MPPE1: variants seen among roughly 807,000 people sequenced by gnomAD.
MPPE1 encodes metallophosphoesterase 1.
Under a neutral mutation model 43.8 loss-of-function variants are expected in MPPE1, and 28 were observed. The observed-to-expected ratio is 0.64, with a 90% CI of 0.47 to 0.88. MPPE1 has a LOEUF of 0.88. MPPE1 is among the 40% of genes least tolerant of loss of function. The pLI, the probability that MPPE1 is intolerant of heterozygous loss-of-function variation, is 0.00. For synonymous variants in MPPE1, 159 were observed against 188.5 expected, an observed-to-expected ratio of 0.84 and a Z score of 1.28; for missense variants, 428 against 492.2, an observed-to-expected ratio of 0.87 and a Z score of 1.23.
At position 11,886,665 on chromosome 18, in the gene MPPE1, C is replaced by T; in HGVS notation, c.745-44G>A. ...GGAGTTCAGGCGGCTATCGTGAAAC[C>T]ACAGGCTGCCTGCTGTCTGCCATGA... On this transcript the variant is annotated intron_variant, in intron 8 of 10. Transcript: ENST00000588072. The surrounding 1 kb of genome is among the most constrained non-coding windows in gnomAD (Gnocchi z 4.1). The T allele has an allele frequency of 6.2e-7, 1 of 1,614,006 alleles. No homozygotes were observed. The highest frequency in any genetic ancestry group is 8.5e-7 in the Non-Finnish European group (1 of 1,180,022).
intron 6 of MPPE1, among the ~76,000 whole-genome samples, chr18:11,888,018 G>C (rs1047032618): frequency 1.3e-5 from 2 of 152,166 alleles, no homozygotes; most frequent in African/African-American, 4.8e-5. Context: ...AAGAGAAAAG[G>C]CTTCCACTCC....
In MPPE1 at chr18:11,885,767, CTGT is replaced by C; in HGVS notation, c.914_916del (p.His305_Ser306delinsArg). 2 of 1,613,758 alleles carry C rather than the reference CTGT, an allele frequency of 1.2e-6. No homozygotes were observed. The highest frequency in any genetic ancestry group is 1.7e-6 in the Non-Finnish European group (2 of 1,179,798). ...GCCCCCGTGGTGCACCTCGCAGGCGCTGTGCGTGTGGCCACTGAGAACCAGGCG... is the reference window on the plus strand; with the variant it reads ...GCCCCCGTGGTGCACCTCGCAGGCGCGCGTGTGGCCACTGAGAACCAGGCG... On this transcript the variant is annotated inframe_deletion, in exon 10 of 11. Coordinates refer to ENST00000588072, the MANE Select transcript of MPPE1 (RefSeq NM_023075.6).
rs201131313 is a variant in MPPE1 at position 11,885,724 on chromosome 18, G to A, written c.960C>T (p.Ser320=). The A allele has an allele frequency of 1.4e-5, 23 of 1,613,988 alleles. No individual in the cohort carries two copies. The highest frequency in any genetic ancestry group is 4.0e-5 in the African/African-American group (3 of 75,060). ...VHHGGRVPEL[S]VPSFSWRNRN... is the part of the protein sequence containing the mutation. ...TGTTCCTCCAACTGAAAGATGGGACGCTGAGCTCGGGGACTCGGCCCCCGT... is the reference window on the plus strand; with the variant it reads ...TGTTCCTCCAACTGAAAGATGGGACACTGAGCTCGGGGACTCGGCCCCCGT... Residue 320 remains serine (S), a synonymous_variant, in exon 10 of 11, where the codon AGC becomes AGT. Transcript: ENST00000588072.
intron 2 of MPPE1, among the ~76,000 whole-genome samples, chr18:11,898,169 AG>A (rs1162709191): frequency 3.3e-5 from 5 of 152,290 alleles, no homozygotes; most frequent in Admixed American, 1.3e-4. Flanking sequence ...CCTGGGTTCA[AG>A]TGATTCTCAT....
chr18:11,904,904 T>C (rs1041360974), intron 2 of MPPE1, among the ~76,000 whole-genome samples: 4 of 151,298 alleles, frequency 2.6e-5, no homozygotes, highest in South Asian at 2.1e-4. Flanking sequence ...GATTTCACCA[T>C]AGCACTCCAG....
At chr18:11,902,684 T>C (rs536165117) in intron 2 of MPPE1, 3 of 152,280 alleles carry the variant, frequency 2.0e-5, no homozygotes, top group South Asian at 2.1e-4. Flanking sequence ...ACCTTGATAA[T>C]TCCTCTTCTA....
rs777424323 is a variant in MPPE1, at chr18:11,888,754, T to C, written c.495-11A>G. On this transcript the variant is annotated splice_polypyrimidine_tract_variant and intron_variant, in intron 5 of 10. Coordinates refer to ENST00000588072, the MANE Select transcript of MPPE1 (RefSeq NM_023075.6). ...TTGTATGTGTTCATCCTATATTCAA[T>C]TGTGAGAAGAAACATTTTTCAGGAC... The C allele has an allele frequency of 7.1e-6, 11 of 1,538,518 alleles. No individual in the cohort carries two copies. The Admixed American group carries it at 8.7e-5, about 12-fold the overall frequency.
At chr18:11,897,406 T>C in intron 2 of MPPE1, 50 bp from the exon 3 acceptor site, 2 of 714,286 alleles carry the variant, frequency 2.8e-6, no homozygotes, top group Non-Finnish European at 4.7e-6. Flanking sequence ...AATACAGGTA[T>C]CACGACCTCC....
At chr18:11,885,413 G>A in intron 10 of MPPE1, 1 of 489,608 alleles carries the variant, frequency 2.0e-6, no homozygotes, top group Non-Finnish European at 3.7e-6. Context: ...TAAGAGGAGA[G>A]GATACGGCCC....
chr18:11,895,819 C>G (rs1299878651), intron 3 of MPPE1, among the ~76,000 whole-genome samples: 2 of 152,112 alleles, frequency 1.3e-5, no homozygotes, highest in Non-Finnish European at 2.9e-5. Flanking sequence ...TCACCTCCAC[C>G]TCCTAAAGTG....
intron 2 of MPPE1, among the ~76,000 whole-genome samples, chr18:11,901,714 C>G (rs1344870502): frequency 6.6e-6 from 1 of 152,038 alleles, no homozygotes; most frequent in East Asian, 2.0e-4. Flanking sequence ...TGGTGCATGC[C>G]TGTAATCCCA....
Position 11,882,684 on chromosome 18 carries a change from C to G in MPPE1, c.*1761G>C, listed in dbSNP as rs1318754521. On this transcript the variant is annotated 3_prime_UTR_variant, in exon 11 of 11. Coordinates refer to ENST00000588072, the MANE Select transcript of MPPE1 (RefSeq NM_023075.6). ...CTGGACATCAAAGTGAGACTCAGGCCAAAAAAAAAAAAAAAAAAAACCTTG... is the reference window on the plus strand; with the variant it reads ...CTGGACATCAAAGTGAGACTCAGGCGAAAAAAAAAAAAAAAAAAAACCTTG... 1 of 88,012 alleles carries G rather than the reference C, an allele frequency of 1.1e-5. No homozygotes were observed. The highest frequency in any genetic ancestry group is 2.2e-5 in the Non-Finnish European group (1 of 44,714). The allele number at this position is 88,012 out of a possible 1,614,324, so 5.5% of individuals were successfully genotyped here. A position where few individuals can be genotyped will look rare whatever the true frequency, so the allele number is the denominator to read the frequency against.
At chr18:11,899,298 G>A (rs1039696225) in intron 2 of MPPE1, among the ~76,000 whole-genome samples, 6 of 152,328 alleles carry the variant, frequency 3.9e-5, no homozygotes, top group African/African-American at 1.4e-4. Context: ...ACCTGTGGGT[G>A]ATTGCAACAG....
At chr18:11,887,082 C>T (rs1346653551) in intron 6 of MPPE1, 57 bp from the exon 7 acceptor site, 1 of 1,277,696 alleles carries the variant, frequency 7.8e-7, no homozygotes, top group East Asian at 2.4e-5. Flanking sequence ...TTTCTTTTCC[C>T]TACTGTTCCC....
At chr18:11,890,274 C>A (rs1598510517) in intron 4 of MPPE1, among the ~76,000 whole-genome samples, 1 of 151,650 alleles carries the variant, frequency 6.6e-6, no homozygotes, top group Non-Finnish European at 1.5e-5. Context: ...ACAATTAATA[C>A]TTACTGTTAT....
intron 3 of MPPE1, among the ~76,000 whole-genome samples, chr18:11,896,088 CTTTATTCTTTT>C (rs2038573264): frequency 7.9e-6 from 1 of 126,558 alleles, no homozygotes; most frequent in African/African-American, 3.1e-5. Flanking sequence ...TATTCTTATT[CTTTATTCTTTT>C]TTTTTTTTTT....
chr18:11,895,253 T>C (rs2038470254), intron 3 of MPPE1: 1 of 152,288 alleles, frequency 6.6e-6, no homozygotes, highest in Non-Finnish European at 1.5e-5. Flanking sequence ...AAAACCAGCA[T>C]GGGCAACACA....
At chr18:11,885,623 G>A in intron 10 of MPPE1, 53 bp downstream of exon 10, 2 of 1,578,252 alleles carry the variant, frequency 1.3e-6, no homozygotes, top group Non-Finnish European at 1.7e-6. Flanking sequence ...TGATTACTGT[G>A]TTGATTTAAA....
At chr18:11,888,784 C>T in intron 5 of MPPE1, 41 bp from the exon 6 acceptor site, 1 of 1,284,032 alleles carries the variant, frequency 7.8e-7, no homozygotes, top group South Asian at 1.4e-5. Context: ...CAGGACAAGC[C>T]ATTTTAGAAA....
Sources: gnomAD v4.1 joint callset for allele counts (sites outside exome capture counted in the v4.1 genomes callset) on GRCh38, gnomAD v4.1.1 for gene constraint, Gnocchi (gnomAD v3.1) non-coding constraint, MANE v1.5 for transcripts, NCBI Gene and HGNC (gene_info 2026-07-23, HGNC 2026-07-21) for gene names.